The following KAZN variants were observed in gnomAD, a reference collection of about 807,000 sequenced individuals.
KAZN encodes kazrin, periplakin interacting protein, also known as kazrin.
KAZN carries 40 observed loss-of-function variants against 87.4 expected under a neutral mutation model. That is an observed-to-expected ratio of 0.46 (90% CI 0.36 to 0.60). KAZN has a LOEUF of 0.60. Ranked by LOEUF, KAZN falls within the 20% of genes least tolerant of loss-of-function variation. The pLI, the probability that KAZN is intolerant of heterozygous loss-of-function variation, is 0.00. For missense variants in KAZN, 898 were observed against 1,073.9 expected, an observed-to-expected ratio of 0.84 and a Z score of 2.29; for synonymous variants, 466 against 458.3, an observed-to-expected ratio of 1.02 and a Z score of -0.22.
intron 1 of KAZN, among the ~76,000 whole-genome samples, chr1:14,103,268 A>G (rs973270106): frequency 3.3e-5 from 5 of 152,240 alleles, no homozygotes; most frequent in Admixed American, 3.3e-4. Context: ...GGCCCACCCT[A>G]GTGACATCTT....
At chr1:15,076,768 A>T (rs1367203914) in intron 8 of KAZN, among the ~76,000 whole-genome samples, 2 of 152,212 alleles carry the variant, frequency 1.3e-5, no homozygotes, top group Admixed American at 1.3e-4. Flanking sequence ...CCAGGCAAAC[A>T]TTAGCCGTCA....
At chr1:14,815,653 T>C (rs1025116453) in intron 1 of KAZN, among the ~76,000 whole-genome samples, 3 of 151,942 alleles carry the variant, frequency 2.0e-5, no homozygotes, top group African/African-American at 7.3e-5. Context: ...ATCAAATGAG[T>C]CTGGAAACAA....
chr1:14,576,451 G>A (rs1358465929), intron 2 of KAZN, among the ~76,000 whole-genome samples: 3 of 151,780 alleles, frequency 2.0e-5, no homozygotes, highest in African/African-American at 7.3e-5. Context: ...ATGGATGGAT[G>A]GATGGATATA....
chr1:14,117,698 A>G (rs1331856338), intron 1 of KAZN, among the ~76,000 whole-genome samples: 1 of 152,100 alleles, frequency 6.6e-6, no homozygotes, highest in African/African-American at 2.4e-5. Context: ...TAGAGATGAG[A>G]TGAGCCTGGC....
At chr1:14,227,676 A>G (rs1328127908) in intron 2 of KAZN, among the ~76,000 whole-genome samples, 2 of 152,214 alleles carry the variant, frequency 1.3e-5, no homozygotes, top group Non-Finnish European at 2.9e-5. Flanking sequence ...GTGAGTATAC[A>G]GAGCCCACCT....
upstream of KAZN, among the ~76,000 whole-genome samples, chr1:14,596,308 GCACA>G (rs56758780): frequency 0.68 from 102,620 of 150,150 alleles, 36,057 homozygotes; most frequent in Non-Finnish European, 0.78. Context: ...ACACGTGTGC[GCACA>G]CACACACACA....
At chr1:14,358,524 G>A (rs561675501) in intron 2 of KAZN, among the ~76,000 whole-genome samples, 210 of 152,018 alleles carry the variant, frequency 1.4e-3, no homozygotes, top group African/African-American at 4.7e-3. Context: ...TTAGGGTGTC[G>A]ATTTTAGATC....
At chr1:14,067,201 C>T (rs1643043405) in intron 1 of KAZN, among the ~76,000 whole-genome samples, 1 of 152,126 alleles carries the variant, frequency 6.6e-6, no homozygotes, top group African/African-American at 2.4e-5. Context: ...CGGCTGTCTC[C>T]CCATAGCCTA....
chr1:14,842,501 C>A (rs1335875749), intron 1 of KAZN, among the ~76,000 whole-genome samples: 1 of 152,238 alleles, frequency 6.6e-6, no homozygotes, highest in Non-Finnish European at 1.5e-5. Context: ...GTTGCGTTAG[C>A]TATCAGCCCT....
chr1:14,891,380 G>C (rs1483125778), intron 1 of KAZN, among the ~76,000 whole-genome samples: 2 of 152,114 alleles, frequency 1.3e-5, no homozygotes, highest in African/African-American at 4.8e-5. Flanking sequence ...TCATAGCTTA[G>C]CTCCCACTTA....
intron 1 of KAZN, among the ~76,000 whole-genome samples, chr1:14,652,316 GTCA>G (rs1638433432): frequency 1.3e-5 from 2 of 152,030 alleles, no homozygotes; most frequent in South Asian, 4.2e-4. Context: ...CCATTTCAGA[GTCA>G]TCATATTATC....
chr1:14,690,839 C>T (rs1345091381), intron 1 of KAZN, among the ~76,000 whole-genome samples: 1 of 152,290 alleles, frequency 6.6e-6, no homozygotes, highest in East Asian at 1.9e-4. Context: ...CGCCCCTCCT[C>T]ACCCAGGGTA....
At chr1:14,677,592 G>C (rs1223233783) in intron 1 of KAZN, among the ~76,000 whole-genome samples, 1 of 152,164 alleles carries the variant, frequency 6.6e-6, no homozygotes, top group East Asian at 1.9e-4. Context: ...CACCTACCCA[G>C]AGGCTTAGGA....
intron 1 of KAZN, among the ~76,000 whole-genome samples, chr1:14,122,766 C>A (rs953927204): frequency 1.3e-5 from 2 of 152,192 alleles, no homozygotes; most frequent in African/African-American, 4.8e-5. Context: ...TAAATACATT[C>A]TTTCCATTTG....
chr1:14,528,268 G>T (rs1024880562), intron 2 of KAZN, among the ~76,000 whole-genome samples: 1 of 145,416 alleles, frequency 6.9e-6, no homozygotes, highest in Non-Finnish European at 1.5e-5. Flanking sequence ...AATCTGAGAG[G>T]TGGAGGTTGC....
At chr1:14,349,812 T>C (rs1658390702) in intron 2 of KAZN, among the ~76,000 whole-genome samples, 1 of 151,624 alleles carries the variant, frequency 6.6e-6, no homozygotes, top group South Asian at 2.1e-4. Flanking sequence ...TCTGGTAGAG[T>C]AGGCAGAGAG....
intron 2 of KAZN, among the ~76,000 whole-genome samples, chr1:14,419,807 G>A (rs1445584554): frequency 1.3e-5 from 2 of 152,120 alleles, no homozygotes; most frequent in Admixed American, 6.5e-5. Flanking sequence ...TCCTCCCGGT[G>A]GGTTCGGGGT....
At chr1:14,312,241 C>T (rs547507497) in intron 2 of KAZN, among the ~76,000 whole-genome samples, 1 of 152,320 alleles carries the variant, frequency 6.6e-6, no homozygotes, top group South Asian at 2.1e-4. Flanking sequence ...TCAGAGTCTT[C>T]ATTTCCTCAA....
intron 1 of KAZN, among the ~76,000 whole-genome samples, chr1:14,621,357 T>C (rs1678683392): frequency 6.6e-6 from 1 of 152,242 alleles, no homozygotes; most frequent in Admixed American, 6.5e-5. Context: ...GCAGAAAGTA[T>C]GTGTGTTTAA....
Sources: allele counts gnomAD v4.1 joint callset (sites outside exome capture counted in the v4.1 genomes callset), GRCh38; gene constraint gnomAD v4.1.1; transcripts MANE v1.5; gene names NCBI Gene and HGNC (gene_info 2026-07-23, HGNC 2026-07-21).